Variants in CSMD1 observed in about 807,000 individuals in gnomAD.
The protein encoded by CSMD1 is CUB and sushi domain-containing protein 1.
In CSMD1, 213 loss-of-function variants were observed where a neutral mutation model predicts 417.5. The ratio of observed to expected loss-of-function variants is 0.51; its 90% CI spans 0.46 to 0.57. The LOEUF is 0.57. CSMD1 is among the 20% of genes least tolerant of loss of function. CSMD1 has a pLI of 0.00. For synonymous variants in CSMD1, 2,862 were observed against 1,736.8 expected (o/e 1.65, Z -16.11); for missense variants, 6,923 against 4,529.7 (o/e 1.53, Z -15.17).
chr8:4,491,999 A>G (rs1381761023), intron 2 of CSMD1, among the ~76,000 whole-genome samples: 1 of 150,512 alleles, frequency 6.6e-6, no homozygotes, highest in Admixed American at 6.6e-5. Context: ...TGGATAAACT[A>G]TGGTACATCC....
At chr8:3,287,562 C>T (rs1463062938) in intron 25 of CSMD1, among the ~76,000 whole-genome samples, 2 of 152,084 alleles carry the variant, frequency 1.3e-5, no homozygotes, top group African/African-American at 2.4e-5. Context: ...CTCTTTGAAG[C>T]AATTGTGAAT....
chr8:3,473,243 G>C (rs573753752), intron 11 of CSMD1, among the ~76,000 whole-genome samples: 18 of 152,208 alleles, frequency 1.2e-4, no homozygotes, highest in Middle Eastern at 3.4e-3. Context: ...CAGTCAGCAA[G>C]CACACTGCCA....
intron 3 of CSMD1, among the ~76,000 whole-genome samples, chr8:4,232,287 C>G: frequency 6.6e-6 from 1 of 152,196 alleles, no homozygotes; most frequent in South Asian, 2.1e-4. Context: ...CAACCTCCGC[C>G]TCCCAGGTTC....
chr8:3,109,797 C>G (rs1816382819), intron 43 of CSMD1, among the ~76,000 whole-genome samples: 2 of 149,724 alleles, frequency 1.3e-5, no homozygotes, highest in African/African-American at 5.1e-5. Context: ...ACCACACACA[C>G]AAACACACAC....
At chr8:3,758,713 A>C (rs1247466727) in intron 5 of CSMD1, among the ~76,000 whole-genome samples, 2 of 152,230 alleles carry the variant, frequency 1.3e-5, no homozygotes, top group Non-Finnish European at 2.9e-5. Flanking sequence ...AGGCAGAATC[A>C]TACCTGCTAC....
chr8:3,006,943 A>G (rs1352986427), intron 52 of CSMD1, among the ~76,000 whole-genome samples: 1 of 141,426 alleles, frequency 7.1e-6, no homozygotes. Flanking sequence ...TAAACTAAAG[A>G]GCTTCTGCAC....
Position 3,346,240 on chromosome 8 carries a change from A to G in CSMD1, c.3474+1752T>C, listed in dbSNP as rs1458917932. 4.6e-5 allele frequency among the ~76,000 whole-genome samples: 7 copies of G among 152,342 alleles called. No individual in the cohort carries two copies. In the East Asian group the frequency reaches 1.2e-3, roughly 25 times the overall value. On this transcript the variant is annotated intron_variant, in intron 22 of 69. Transcript: ENST00000635120. The stretch of plus-strand genomic sequence containing the variant: ...ACAACTTTTTGTTATAATCAACTTT[A>G]AACAGCATGCAATCACAAATGAACA...
At chr8:4,373,096 A>G (rs1035623526) in intron 3 of CSMD1, among the ~76,000 whole-genome samples, 2 of 152,126 alleles carry the variant, frequency 1.3e-5, no homozygotes, top group Non-Finnish European at 2.9e-5. Flanking sequence ...CTGTCTCCCA[A>G]AACCCCAAAC....
intron 1 of CSMD1, among the ~76,000 whole-genome samples, chr8:4,746,475 T>C (rs1177786345): frequency 1.3e-5 from 2 of 152,216 alleles, no homozygotes; most frequent in Non-Finnish European, 2.9e-5. Flanking sequence ...CCCTCAAGAA[T>C]GAGTGATTCG....
At chr8:4,151,078 G>A (rs760313047) in intron 3 of CSMD1, among the ~76,000 whole-genome samples, 34 of 152,270 alleles carry the variant, frequency 2.2e-4, no homozygotes, top group African/African-American at 7.2e-4. Context: ...TACGGGTGGT[G>A]CCAGGGTGCA....
chr8:3,140,386 T>C (rs920189531), intron 41 of CSMD1, among the ~76,000 whole-genome samples: 9 of 152,048 alleles, frequency 5.9e-5, no homozygotes, highest in African/African-American at 2.2e-4. Flanking sequence ...GTGCTTCAAG[T>C]AGGGAATGAT....
chr8:4,970,514 C>T (rs17433573), intron 1 of CSMD1, among the ~76,000 whole-genome samples: 4 of 151,920 alleles, frequency 2.6e-5, no homozygotes, highest in Non-Finnish European at 4.4e-5. Flanking sequence ...GAGGTTTCTT[C>T]TTAAACTATA....
rs377537191 is a variant in CSMD1 at position 4,357,052 on chromosome 8, T to C, written c.415+62901A>G. On this transcript the variant is annotated intron_variant, in intron 3 of 69. Transcript: ENST00000635120. ...CTTACATTGTATGCAGTTATTAAAA[T>C]GTATCTTTACTGAAGGAAGAATAAT... Among the ~76,000 whole-genome samples the C allele has an allele frequency of 1.0e-3, 158 of 152,368 alleles. 1 individual carries two copies. Among genetic ancestry groups the C allele is most frequent in the African/African-American group, 3.5e-3 (144 of 41,586 alleles).
chr8:3,811,761 A>G (rs1024024447), intron 5 of CSMD1, among the ~76,000 whole-genome samples: 3 of 152,102 alleles, frequency 2.0e-5, no homozygotes, highest in Non-Finnish European at 4.4e-5. Context: ...CTCCATGGAC[A>G]ATAGCTGAGT....
At position 3,760,286 on chromosome 8, in the gene CSMD1, T is replaced by G. The variant is rs192118319; in HGVS notation, c.819-6244A>C. On this transcript the variant is annotated intron_variant, in intron 5 of 69. Transcript: ENST00000635120. ...TGTTCCCACTTTTTTCCCCTAAGAA[T>G]ACCAAATTAAGCAATTTAAAGCAAT... Among the ~76,000 whole-genome samples the G allele has an allele frequency of 9.8e-5, 15 of 152,294 alleles. No homozygotes were observed. The East Asian group carries it at 2.5e-3, about 26-fold the overall frequency.
At chr8:4,113,503 C>G (rs1397326826) in intron 3 of CSMD1, among the ~76,000 whole-genome samples, 3 of 146,166 alleles carry the variant, frequency 2.1e-5, no homozygotes, top group East Asian at 4.1e-4. Context: ...CTCCCAGGTT[C>G]AAGCAATTCT....
chr8:4,291,457 G>C (rs149497736), intron 3 of CSMD1, among the ~76,000 whole-genome samples: 26 of 152,214 alleles, frequency 1.7e-4, no homozygotes, highest in Non-Finnish European at 2.1e-4. Context: ...AACTAAGAGA[G>C]AAGTATTTTT....
intron 12 of CSMD1, among the ~76,000 whole-genome samples, chr8:3,456,736 C>T (rs1585192865): frequency 6.6e-6 from 1 of 152,074 alleles, no homozygotes; most frequent in South Asian, 2.1e-4. Flanking sequence ...CTGTTGATTT[C>T]TCTCTTTCAG....
chr8:4,411,816 T>C (rs1796663509), intron 3 of CSMD1, among the ~76,000 whole-genome samples: 1 of 152,262 alleles, frequency 6.6e-6, no homozygotes, highest in African/African-American at 2.4e-5. Context: ...CACATAGCTA[T>C]GCAAATACTT....
Sources: allele counts gnomAD v4.1 joint callset (sites outside exome capture counted in the v4.1 genomes callset), GRCh38; gene constraint gnomAD v4.1.1; transcripts MANE v1.5; gene names NCBI Gene and HGNC (gene_info 2026-07-23, HGNC 2026-07-21).